The following TPR variants were observed in gnomAD, a reference collection of about 807,000 sequenced individuals.
TPR encodes the protein nucleoprotein TPR.
TPR carries 51 observed loss-of-function variants against 316.1 expected under a neutral mutation model. That is an observed-to-expected ratio of 0.16 (90% CI 0.13 to 0.20). The LOEUF (loss-of-function observed/expected upper bound fraction) is 0.20. Ranked by LOEUF, TPR falls within the 10% of genes least tolerant of loss-of-function variation. The pLI is 1.00. For missense variants in TPR, 2,272 were observed against 2,754.8 expected (o/e 0.82, Z 3.92); for synonymous variants, 981 against 914.7 (o/e 1.07, Z -1.31).
At chr1:186,334,661 T>C (rs1658284346) in intron 35 of TPR, 128 bp from the exon 36 acceptor site, 2 of 1,001,500 alleles carry the variant, frequency 2.0e-6, no homozygotes, top group East Asian at 2.6e-5. Context: ...AAAGCTGTTT[T>C]GAATTTAAGC....
At chr1:186,317,103 C>A (rs1657634127) in intron 49 of TPR, among the ~76,000 whole-genome samples, 1 of 152,202 alleles carries the variant, frequency 6.6e-6, no homozygotes, top group Non-Finnish European at 1.5e-5. Flanking sequence ...CAAACAGAGG[C>A]AAGAGGCCTG....
chr1:186,341,485 G>C, intron 27 of TPR, 96 bp from the exon 28 acceptor site: 1 of 1,304,960 alleles, frequency 7.7e-7, no homozygotes, highest in Non-Finnish European at 1.0e-6. Flanking sequence ...ACAAAATAAA[G>C]AGGATTTAAG....
rs774204972 is a variant in TPR, at chr1:186,360,313, G to A, written c.1151C>T (p.Ala384Val). 6.2e-7 allele frequency: 1 copy of A among 1,613,408 alleles called. No individual in the cohort carries two copies. The highest frequency in any genetic ancestry group is 2.2e-5 in the East Asian group (1 of 44,854). ...CCCAGGTTTCACTATCTTAGCTACA[G>A]CTGCTGCAGTAGGAGACATGGCGGC... Reference protein sequence around the residue: ...ELAAMSPTAAAVAKIVKPGMK... With the variant: ...ELAAMSPTAAVVAKIVKPGMK... Residue 384 changes from alanine (A) to valine (V), a missense_variant, in exon 11 of 51, where the codon GCT becomes GTT. Physicochemically the swap from Ala to Val is moderately conservative, Grantham distance 64 (BLOSUM62 0). Transcript: ENST00000367478.
chr1:186,332,206 C>A lies in TPR; in HGVS notation c.5593G>T (p.Val1865Leu). 1.2e-6 allele frequency: 2 copies of A among 1,609,778 alleles called. No homozygotes were observed. The highest frequency in any genetic ancestry group is 1.3e-5 in the African/African-American group (1 of 74,878). ...AGAACTTTACGCACCTCAGTTCCTA[C>A]AGGTGTGACACTTTTCAACTTCTTT... ...LPKKLKSVTP[V>L]GTEEEVMAEE... Residue 1865 changes from valine (V) to leucine (L), a missense_variant, in exon 38 of 51, where the codon GTA becomes TTA. This residue lies in a region of TPR where 435 missense variants were observed against 461.1 expected (regional missense o/e 0.94). Transcript: ENST00000367478.
chr1:186,366,522 G>T (rs1344376328), intron 4 of TPR, among the ~76,000 whole-genome samples: 1 of 152,100 alleles, frequency 6.6e-6, no homozygotes, highest in Non-Finnish European at 1.5e-5. Context: ...TTCAACTGTG[G>T]GGGGAATCAG....
At position 186,338,385 on chromosome 1, in the gene TPR, A is replaced by G. The variant is rs1658403244; in HGVS notation, c.4152-142T>C. On this transcript the variant is annotated intron_variant, in intron 30 of 50. Coordinates refer to ENST00000367478, the MANE Select transcript of TPR (RefSeq NM_003292.3). ...AAAAATACCCATATACTTCAAAGGT[A>G]AGACCTTACGAATTTACAGCCCTTC... The G allele has an allele frequency of 1.4e-5, 9 of 652,774 alleles. No individual in the cohort carries two copies. The South Asian group carries it at 2.0e-4, about 14-fold the overall frequency. The allele number at this position is 652,774 out of a possible 1,614,324, so 40.4% of individuals were successfully genotyped here.
At chr1:186,357,369 C>T in intron 14 of TPR, 28 bp downstream of exon 14, 1 of 1,606,864 alleles carries the variant, frequency 6.2e-7, no homozygotes, top group Non-Finnish European at 8.5e-7. Context: ...AATGTTTGCT[C>T]AACAAGCTGA....
At chr1:186,334,893 A>C (rs1658291963) in intron 35 of TPR, among the ~76,000 whole-genome samples, 175 bp downstream of exon 35, 1 of 151,872 alleles carries the variant, frequency 6.6e-6, no homozygotes, top group African/African-American at 2.4e-5. Flanking sequence ...TAGGACTGAA[A>C]GTATGGTGAA....
intron 38 of TPR, 28 bp from the exon 39 acceptor site, chr1:186,331,609 C>T (rs757502113): frequency 1.7e-5 from 25 of 1,499,936 alleles, no homozygotes; most frequent in Middle Eastern, 3.4e-4. Flanking sequence ...AATATATTAA[C>T]CATATCAGTG....
chr1:186,350,506 G>A (rs551798790), intron 20 of TPR, 118 bp from the exon 21 acceptor site: 41 of 739,938 alleles, frequency 5.5e-5, no homozygotes, highest in African/African-American at 3.7e-4. Context: ...CAGATTTACC[G>A]TCACACCTGA....
intron 39 of TPR, among the ~76,000 whole-genome samples, chr1:186,329,838 A>G (rs1056478505): frequency 2.0e-5 from 3 of 152,184 alleles, no homozygotes; most frequent in Non-Finnish European, 1.5e-5. Flanking sequence ...TTTACATGAT[A>G]AAATAATTAT....
chr1:186,336,181 C>T (rs1283667217), intron 33 of TPR, among the ~76,000 whole-genome samples: 5 of 152,114 alleles, frequency 3.3e-5, no homozygotes, highest in Non-Finnish European at 5.9e-5. Flanking sequence ...GGTTTCTAGA[C>T]AGCACGGTCT....
Position 186,373,534 on chromosome 1 carries a change from A to G in TPR, c.152-71T>C, listed in dbSNP as rs1305309060. On this transcript the variant is annotated intron_variant, in intron 1 of 50. Coordinates refer to ENST00000367478, the MANE Select transcript of TPR (RefSeq NM_003292.3). ...ACATACATTGTGAATACTGTTATTT[A>G]TTTCTAATAACCTTGATTTTAAAAC... 9.4e-6 allele frequency: 8 copies of G among 854,120 alleles called. No individual in the cohort carries two copies. In the East Asian group the frequency reaches 2.1e-4, roughly 22 times the overall value. 52.9% of individuals were successfully genotyped at this position (854,120 alleles called of 1,614,324 possible). A position where few individuals can be genotyped will look rare whatever the true frequency, so the allele number is the denominator to read the frequency against.
At chr1:186,337,305 A>G in intron 31 of TPR, 149 bp from the exon 32 acceptor site, 1 of 939,640 alleles carries the variant, frequency 1.1e-6, no homozygotes, top group Non-Finnish European at 1.5e-6. Flanking sequence ...AACAACTGTA[A>G]TCTCCAAAAA....
chr1:186,345,775 T>A, intron 23 of TPR, 79 bp from the exon 24 acceptor site: 1 of 1,030,442 alleles, frequency 9.7e-7, no homozygotes, highest in Non-Finnish European at 1.4e-6. Flanking sequence ...TGTTACTAAA[T>A]TGAAGTCTCA....
intron 9 of TPR, among the ~76,000 whole-genome samples, chr1:186,361,270 T>A (rs1009172592): frequency 4.6e-5 from 7 of 151,904 alleles, no homozygotes; most frequent in African/African-American, 1.4e-4. Context: ...TAAAAGACTT[T>A]ACAAAATGCA....
intron 45 of TPR, among the ~76,000 whole-genome samples, chr1:186,321,409 T>C (rs1029354212): frequency 6.6e-6 from 1 of 152,162 alleles, no homozygotes; most frequent in Admixed American, 6.5e-5. Flanking sequence ...TTCAACCGTT[T>C]AAGAGGAGTG....
chr1:186,353,980 C>T lies in TPR; in HGVS notation c.2172-130G>A, dbSNP rs575286459. On this transcript the variant is annotated intron_variant, in intron 17 of 50. Transcript: ENST00000367478. ...AATATTGTCTCTAATCCTAATGTAA[C>T]ATCATACATATTTCTGTTAAGTTGA... 1.1e-5 allele frequency: 8 copies of T among 708,600 alleles called. No homozygotes were observed. In the South Asian group the frequency reaches 1.3e-4, roughly 11 times the overall value. The allele number at this position is 708,600 out of a possible 1,614,324, so 43.9% of individuals were successfully genotyped here.
intron 4 of TPR, among the ~76,000 whole-genome samples, chr1:186,364,085 T>C (rs1403858398): frequency 2.6e-5 from 4 of 152,162 alleles, no homozygotes; most frequent in Non-Finnish European, 5.9e-5. Flanking sequence ...TAGTAATCTT[T>C]TGAAGTTTTT....
Sources: allele counts gnomAD v4.1 joint callset (sites outside exome capture counted in the v4.1 genomes callset), GRCh38; gene constraint gnomAD v4.1.1; regional missense constraint gnomAD v4.1.1; transcripts MANE v1.5; gene names NCBI Gene and HGNC (gene_info 2026-07-23, HGNC 2026-07-21).